PIGN: variants seen among roughly 807,000 people sequenced by gnomAD.
PIGN encodes the protein GPI ethanolamine phosphate transferase 1.
PIGN carries 117 observed loss-of-function variants against 125.4 expected under a neutral mutation model. The ratio of observed to expected loss-of-function variants is 0.93; its 90% confidence interval spans 0.80 to 1.09. The LOEUF (loss-of-function observed/expected upper bound fraction) is 1.09. Among genes scored for constraint, PIGN ranks in the 50% least tolerant of loss-of-function variants. PIGN has a pLI of 0.00. For missense variants in PIGN, 1,075 were observed against 1,094.9 expected (o/e 0.98, Z 0.26); for synonymous variants, 392 against 377.8 (o/e 1.04, Z -0.44).
rs199971157 is a variant in PIGN at position 62,138,970 on chromosome 18, A to AT, written c.1116+12dup. On this transcript the variant is annotated intron_variant, in intron 13 of 30. Coordinates refer to ENST00000640252, the MANE Select transcript of PIGN (RefSeq NM_176787.5). Reference sequence around the variant, plus strand: ...TCCATTTTTGTGCGTGCCTTTTTGAATTTTTTTTTTACCTTGAACTGTTCA... The same window carrying AT: ...TCCATTTTTGTGCGTGCCTTTTTGAATTTTTTTTTTTACCTTGAACTGTTCA... 4,075 of 1,306,732 alleles carry AT rather than the reference A, an allele frequency of 3.1e-3. No individual in the cohort carries two copies. The highest frequency in any genetic ancestry group is 5.5e-3 in the South Asian group (362 of 65,914). The allele number at this position is 1,306,732 out of a possible 1,614,324, so 80.9% of individuals were successfully genotyped here.
intron 28 of PIGN, among the ~76,000 whole-genome samples, chr18:62,079,984 G>A (rs2145865066): frequency 1.3e-5 from 2 of 152,164 alleles, no homozygotes; most frequent in Middle Eastern, 6.8e-3. Flanking sequence ...TCCTAAATAT[G>A]TGAGCAAAAC....
At chr18:62,032,627 G>T (rs1158362250) in intron 23 of PIGN, among the ~76,000 whole-genome samples, 1 of 152,196 alleles carries the variant, frequency 6.6e-6, no homozygotes, top group Non-Finnish European at 1.5e-5. Context: ...CTGATGACAA[G>T]ACAAAATGTT....
intron 30 of PIGN, among the ~76,000 whole-genome samples, chr18:62,057,202 C>T (rs748906407): frequency 1.3e-5 from 2 of 152,138 alleles, no homozygotes; most frequent in South Asian, 2.1e-4. Context: ...CATTCTAACT[C>T]TCCCAAGATC....
In PIGN at chr18:62,041,556, GCAAATTCCACCTCC is replaced by G. The variant is rs2030370159; in HGVS notation, c.*4286_*4299del. ...CAGAGTGGCACCATCTCGGCTCATTGCAAATTCCACCTCCCAGGTTCAAGCAATTCTCATGCCTC... is the reference window on the plus strand; with the variant it reads ...CAGAGTGGCACCATCTCGGCTCATTGCAGGTTCAAGCAATTCTCATGCCTC... On this transcript the variant is annotated 3_prime_UTR_variant, in exon 31 of 31. Coordinates refer to ENST00000640252, the MANE Select transcript of PIGN (RefSeq NM_176787.5). The G allele has an allele frequency of 6.6e-6, 1 of 151,700 alleles. No individual in the cohort carries two copies. The highest frequency in any genetic ancestry group is 1.5e-5 in the Non-Finnish European group (1 of 67,968). 9.4% of individuals were successfully genotyped at this position (151,700 alleles called of 1,614,324 possible).
At chr18:62,168,487 T>C (rs2037233680) in intron 1 of PIGN, among the ~76,000 whole-genome samples, 1 of 152,208 alleles carries the variant, frequency 6.6e-6, no homozygotes, top group Non-Finnish European at 1.5e-5. Context: ...TGTATATATC[T>C]GATCACATAA....
chr18:62,055,783 G>T (rs1380275768), intron 30 of PIGN, among the ~76,000 whole-genome samples: 1 of 151,784 alleles, frequency 6.6e-6, no homozygotes, highest in East Asian at 2.0e-4. Context: ...GAGGTGGGCT[G>T]CATTTGGCTA....
At chr18:62,087,005 C>T (rs1350347387) in intron 25 of PIGN, among the ~76,000 whole-genome samples, 1 of 152,030 alleles carries the variant, frequency 6.6e-6, no homozygotes, top group African/African-American at 2.4e-5. Context: ...CAGTTTGGGA[C>T]ACATATTTGG....
chr18:62,107,454 G>A lies in PIGN; in HGVS notation c.1575-369C>T, dbSNP rs58935117. 4.3e-3 allele frequency: 918 copies of A among 213,326 alleles called. 6 individuals carry two copies. Among genetic ancestry groups the A allele is most frequent in the African/African-American group, 0.02 (843 of 42,386 alleles). 13.2% of individuals were successfully genotyped at this position (213,326 alleles called of 1,614,324 possible). ...ACTAAAAATACAAAATTAGCCAGGC[G>A]TGATGGCACATGCCTGTAATCCCAG... On this transcript the variant is annotated intron_variant, in intron 17 of 30. Transcript: ENST00000640252.
In PIGN at chr18:62,102,794, C is replaced by T. The variant is rs1470358131; in HGVS notation, c.1968G>A (p.Gln656=). The change falls in exon 21 of 31, where the codon CAG becomes CAA. Residue 656 remains glutamine, a splice_region_variant and synonymous_variant. Coordinates refer to ENST00000640252, the MANE Select transcript of PIGN (RefSeq NM_176787.5). ...IKEELLVHLL[Q]VLSTVLSMYV... is the part of the protein sequence containing the mutation. ...ATAGTATTGAAAATCTGTAACTGACCTGTAACAGATGTACCAATAGCTCTT... is the reference window on the plus strand; with the variant it reads ...ATAGTATTGAAAATCTGTAACTGACTTGTAACAGATGTACCAATAGCTCTT... 2.8e-6 allele frequency: 4 copies of T among 1,407,296 alleles called. No individual in the cohort carries two copies. Among genetic ancestry groups the T allele is most frequent in the Non-Finnish European group, 3.9e-6 (4 of 1,016,346 alleles). The allele number at this position is 1,407,296 out of a possible 1,614,324, so 87.2% of individuals were successfully genotyped here. A position where few individuals can be genotyped will look rare whatever the true frequency, so the allele number is the denominator to read the frequency against.
intron 23 of PIGN, among the ~76,000 whole-genome samples, chr18:62,034,222 T>A (rs138028728): frequency 8.1e-4 from 124 of 152,308 alleles, no homozygotes; most frequent in African/African-American, 2.9e-3. Flanking sequence ...AGAAAGCCAA[T>A]GTGTTCCTTG....
intron 30 of PIGN, chr18:62,070,625 AT>A: frequency 2.5e-6 from 1 of 395,638 alleles, no homozygotes; most frequent in Non-Finnish European, 4.5e-6. Flanking sequence ...TAAAATCAGT[AT>A]ACAAAAATGT....
chr18:62,083,114 A>G (rs2033527629), intron 27 of PIGN, among the ~76,000 whole-genome samples: 1 of 152,074 alleles, frequency 6.6e-6, no homozygotes, highest in Non-Finnish European at 1.5e-5. Flanking sequence ...AAATTATATA[A>G]CCTGATAATT....
chr18:62,179,324 C>T (rs1021047337), intron 1 of PIGN, among the ~76,000 whole-genome samples: 4 of 152,220 alleles, frequency 2.6e-5, no homozygotes, highest in Non-Finnish European at 4.4e-5. Context: ...GAAGTCACTA[C>T]GTGCAGCCAA....
At chr18:62,117,708 T>G (rs1361394173) in intron 14 of PIGN, among the ~76,000 whole-genome samples, 2 of 152,146 alleles carry the variant, frequency 1.3e-5, no homozygotes, top group African/African-American at 4.8e-5. Flanking sequence ...ACATATATCA[T>G]GTATACATAT....
At chr18:62,071,895 T>C (rs12969504) in intron 30 of PIGN, among the ~76,000 whole-genome samples, 1 of 123,728 alleles carries the variant, frequency 8.1e-6, no homozygotes, top group Non-Finnish European at 1.6e-5. Context: ...TATATATATA[T>C]ATATATATAT....
At chr18:62,134,305 T>G (rs775787348) in intron 14 of PIGN, among the ~76,000 whole-genome samples, 7 of 152,006 alleles carry the variant, frequency 4.6e-5, no homozygotes, top group Non-Finnish European at 1.0e-4. Context: ...GCAGGAGAAT[T>G]GCTTGAACCC....
At chr18:62,090,725 A>G in intron 23 of PIGN, 147 bp from the exon 24 acceptor site, 1 of 544,312 alleles carries the variant, frequency 1.8e-6, no homozygotes, top group South Asian at 2.7e-5. Context: ...AGAAAGTAGG[A>G]AAGTAATATT....
At chr18:62,095,254 T>C (rs560662913) in intron 23 of PIGN, among the ~76,000 whole-genome samples, 2 of 152,322 alleles carry the variant, frequency 1.3e-5, no homozygotes, top group Admixed American at 1.3e-4. Flanking sequence ...AAAAGAATTC[T>C]TCAAAGTTAA....
chr18:62,165,937 CA>C (rs1599671869), intron 1 of PIGN, among the ~76,000 whole-genome samples: 1 of 151,972 alleles, frequency 6.6e-6, no homozygotes, highest in African/African-American at 2.4e-5. Flanking sequence ...GGAATGAGCA[CA>C]ACTCTTTGGG....
Sources: gnomAD v4.1 joint callset for allele counts (sites outside exome capture counted in the v4.1 genomes callset) on GRCh38, gnomAD v4.1.1 for gene constraint, MANE v1.5 for transcripts, NCBI Gene and HGNC (gene_info 2026-07-23, HGNC 2026-07-21) for gene names.